The following IRAK4 variants were observed in gnomAD, a reference collection of about 807,000 sequenced individuals.
The protein encoded by IRAK4 is interleukin 1 receptor associated kinase 4.
In IRAK4, 44 loss-of-function variants were observed where a neutral mutation model predicts 51.8. That is an observed-to-expected ratio of 0.85 (90% CI 0.67 to 1.09). The LOEUF is 1.09. Among genes scored for constraint, IRAK4 ranks in the 50% least tolerant of loss-of-function variants. The pLI, the probability that IRAK4 is intolerant of heterozygous loss-of-function variation, is 0.00. For synonymous variants in IRAK4, 149 were observed against 174.1 expected (o/e 0.86, Z 1.13); for missense variants, 487 against 538.0 (o/e 0.91, Z 0.94).
chr12:43,786,945 A>G lies in IRAK4; in HGVS notation c.*230A>G. ...CCCAGTTCTTACAGTAATCCCTGAG[A>G]AATCTCCTTCAAGCATCACCAAACA... On this transcript the variant is annotated 3_prime_UTR_variant, in exon 12 of 12. Transcript: ENST00000613694. 2 of 555,180 alleles carry G rather than the reference A, an allele frequency of 3.6e-6. No homozygotes were observed. Among genetic ancestry groups the G allele is most frequent in the Non-Finnish European group, 6.3e-6 (2 of 315,344 alleles). 34.4% of individuals were successfully genotyped at this position (555,180 alleles called of 1,614,324 possible). A position where few individuals can be genotyped will look rare whatever the true frequency, so the allele number is the denominator to read the frequency against.
chr12:43,786,885 CAT>C lies in IRAK4; in HGVS notation c.*173_*174del, dbSNP rs1942258003. 1.6e-6 allele frequency: 1 copy of C among 629,844 alleles called. No individual in the cohort carries two copies. 39.0% of individuals were successfully genotyped at this position (629,844 alleles called of 1,614,324 possible). A position where few individuals can be genotyped will look rare whatever the true frequency, so the allele number is the denominator to read the frequency against. On this transcript the variant is annotated 3_prime_UTR_variant, in exon 12 of 12. Coordinates refer to ENST00000613694, the MANE Select transcript of IRAK4 (RefSeq NM_016123.4). Reference sequence around the variant, plus strand: ...TTCCAAAATATAAAAATAGAGCCACCATATCAACACTTAGCCCTACCCATTAG... The same window carrying C: ...TTCCAAAATATAAAAATAGAGCCACCATCAACACTTAGCCCTACCCATTAG...
At chr12:43,773,472 A>AT (rs997808725) in intron 5 of IRAK4, among the ~76,000 whole-genome samples, 1 of 151,954 alleles carries the variant, frequency 6.6e-6, no homozygotes, top group African/African-American at 2.4e-5. Flanking sequence ...AAACATTAAA[A>AT]TTTTTTTTAT....
intron 1 of IRAK4, among the ~76,000 whole-genome samples, chr12:43,762,235 G>A (rs1355336592): frequency 6.6e-6 from 1 of 151,756 alleles, no homozygotes; most frequent in Non-Finnish European, 1.5e-5. Context: ...GAACTTCTGG[G>A]CACATGTGTG....
intron 10 of IRAK4, among the ~76,000 whole-genome samples, chr12:43,786,028 G>A (rs1417922140): frequency 6.6e-6 from 1 of 150,932 alleles, no homozygotes; most frequent in East Asian, 1.9e-4. Flanking sequence ...GATTTGTCCT[G>A]TATGTCTTCA....
At chr12:43,773,634 G>A (rs1295718055) in intron 5 of IRAK4, among the ~76,000 whole-genome samples, 1 of 151,742 alleles carries the variant, frequency 6.6e-6, no homozygotes, top group Admixed American at 6.6e-5. Flanking sequence ...CAGGGCTTTT[G>A]TAGGGTTTTT....
intron 10 of IRAK4, among the ~76,000 whole-genome samples, chr12:43,785,456 A>T (rs773402967): frequency 6.6e-6 from 1 of 152,144 alleles, no homozygotes; most frequent in South Asian, 2.1e-4. Flanking sequence ...GCGCTATTAG[A>T]AGCACATCAA....
intron 9 of IRAK4, among the ~76,000 whole-genome samples, chr12:43,783,249 A>C (rs142891158): frequency 7.9e-5 from 12 of 152,162 alleles, no homozygotes; most frequent in African/African-American, 2.9e-4. Context: ...AAATTTTGTA[A>C]GCAAGATTCA....
intron 1 of IRAK4, among the ~76,000 whole-genome samples, chr12:43,764,605 T>C (rs1939923012): frequency 6.6e-6 from 1 of 152,114 alleles, no homozygotes; most frequent in Non-Finnish European, 1.5e-5. Flanking sequence ...TCTATGAAGA[T>C]TTTTCAAGAT....
chr12:43,771,249 A>C lies in IRAK4; in HGVS notation c.191A>C (p.Lys64Thr). 6.2e-7 allele frequency: 1 copy of C among 1,614,038 alleles called. No individual in the cohort carries two copies. Among genetic ancestry groups the C allele is most frequent in the Non-Finnish European group, 8.5e-7 (1 of 1,179,952 alleles). ...RRFEALLQTG[K>T]SPTSELLFDW... ...TTTGAAGCATTACTTCAAACTGGAA[A>C]AAGTCCCACTTCTGAATTACTGTTT... is the stretch of plus-strand genomic sequence containing the variant. Residue 64 changes from lysine (K) to threonine (T), a missense_variant, in exon 3 of 12, where the codon AAA becomes ACA. Transcript: ENST00000613694.
At chr12:43,782,592 G>A (rs1941874211) in intron 9 of IRAK4, 102 bp downstream of exon 9, 2 of 987,302 alleles carry the variant, frequency 2.0e-6, no homozygotes, top group Admixed American at 4.4e-5. Flanking sequence ...TCTCTCTTAT[G>A]TAACAATATA....
In IRAK4 at chr12:43,779,325, G is replaced by C. The variant is rs4251510; in HGVS notation, c.941+1023G>C. Among the ~76,000 whole-genome samples the C allele has an allele frequency of 3.0e-3, 462 of 152,194 alleles. 2 individuals carry two copies. The highest frequency in any genetic ancestry group is 9.8e-3 in the African/African-American group (405 of 41,534). On this transcript the variant is annotated intron_variant, in intron 8 of 11. Transcript: ENST00000613694. The stretch of plus-strand genomic sequence containing the variant: ...GAAAGTTATAGGGTGGTGGATTGGA[G>C]ATAAAACTACAGAGAAGTGTAGGAA...
intron 10 of IRAK4, among the ~76,000 whole-genome samples, chr12:43,785,322 T>C (rs1942111851): frequency 6.6e-6 from 1 of 152,140 alleles, no homozygotes; most frequent in Non-Finnish European, 1.5e-5. Context: ...TGTTAATTTT[T>C]TTTTATCATG....
intron 9 of IRAK4, 35 bp downstream of exon 9, chr12:43,782,525 A>AT (rs759964935): frequency 1.0e-4 from 149 of 1,492,210 alleles, no homozygotes; most frequent in Non-Finnish European, 1.3e-4. Flanking sequence ...AAAAATAATC[A>AT]TTCTGCTATA....
intron 1 of IRAK4, among the ~76,000 whole-genome samples, chr12:43,760,413 A>T (rs1305224347): frequency 3.3e-5 from 5 of 152,190 alleles, no homozygotes; most frequent in African/African-American, 1.2e-4. Context: ...CTTCTAAGAC[A>T]TGAGTACAGA....
intron 6 of IRAK4, among the ~76,000 whole-genome samples, chr12:43,776,059 G>T (rs962822823): frequency 2.6e-5 from 4 of 151,572 alleles, no homozygotes; most frequent in African/African-American, 9.7e-5. Flanking sequence ...TTTTGTTTTT[G>T]TATTTTTAGT....
chr12:43,786,715 A>G lies in IRAK4; in HGVS notation c.1383A>G (p.Ter461=). Residue 461 remains the stop codon, a stop_retained_variant, in exon 12 of 12, where the codon TAA becomes TAG. Transcript: ENST00000613694. Reference sequence around the variant, plus strand: ...TGCTGCAAGAGATGACAGCTTCTTAAAACTTTATTGGAAAAGACTCTTGAC... The same window carrying G: ...TGCTGCAAGAGATGACAGCTTCTTAGAACTTTATTGGAAAAGACTCTTGAC... The part of the protein sequence containing the change: ...QQLLQEMTAS[*] 1 of 1,613,062 alleles carries G rather than the reference A, an allele frequency of 6.2e-7. No individual in the cohort carries two copies.
At position 43,788,909 on chromosome 12, in the gene IRAK4, T is replaced by C. The variant is rs965545616; in HGVS notation, c.*2194T>C. Reference sequence around the variant, plus strand: ...TCTCCCTTTTGGGACAAGAATGTTTTACTTATTGCCTGTACCACCAACTGT... The same window carrying C: ...TCTCCCTTTTGGGACAAGAATGTTTCACTTATTGCCTGTACCACCAACTGT... On this transcript the variant is annotated 3_prime_UTR_variant, in exon 12 of 12. Coordinates refer to ENST00000613694, the MANE Select transcript of IRAK4 (RefSeq NM_016123.4). 3 of 152,194 alleles carry C rather than the reference T, an allele frequency of 2.0e-5. No individual in the cohort carries two copies. Among genetic ancestry groups the C allele is most frequent in the African/African-American group, 7.2e-5 (3 of 41,438 alleles). The allele number at this position is 152,194 out of a possible 1,614,324, so 9.4% of individuals were successfully genotyped here.
intron 6 of IRAK4, 94 bp from the exon 7 acceptor site, chr12:43,777,536 C>A: frequency 8.9e-7 from 1 of 1,120,174 alleles, no homozygotes; most frequent in Non-Finnish European, 1.2e-6. Context: ...TATTTTTTTG[C>A]TCTTTTTTTC....
Position 43,771,275 on chromosome 12 carries a change from G to C in IRAK4, c.217G>C (p.Asp73His). The part of the protein sequence containing the change: ...GKSPTSELLF[D>H]WGTTNCTVGD... ...AAGTCCCACTTCTGAATTACTGTTT[G>C]ACTGGGGCACCACAAATTGCACAGT... Residue 73 changes from aspartate to histidine, a missense_variant, in exon 3 of 12, where the codon GAC becomes CAC. Transcript: ENST00000613694. 1 of 1,613,930 alleles carries C rather than the reference G, an allele frequency of 6.2e-7. No individual in the cohort carries two copies. The highest frequency in any genetic ancestry group is 2.2e-5 in the East Asian group (1 of 44,872).
Sources: allele counts gnomAD v4.1 joint callset (sites outside exome capture counted in the v4.1 genomes callset), GRCh38; gene constraint gnomAD v4.1.1; transcripts MANE v1.5; gene names NCBI Gene and HGNC (gene_info 2026-07-23, HGNC 2026-07-21).